TBC1D30: variants seen among roughly 807,000 people sequenced by gnomAD.
TBC1D30 encodes the protein TBC1 domain family, member 30.
Under a neutral mutation model 63.2 loss-of-function variants are expected in TBC1D30, and 31 were observed. The observed-to-expected ratio is 0.49, with a 90% CI of 0.37 to 0.66. TBC1D30 has a LOEUF of 0.66. TBC1D30 is among the 30% of genes least tolerant of loss of function. The pLI, the probability that TBC1D30 is intolerant of heterozygous loss-of-function variation, is 0.00. For synonymous variants in TBC1D30, 307 were observed against 361.5 expected (o/e 0.85, Z 1.71); for missense variants, 810 against 953.6 (o/e 0.85, Z 1.98).
chr12:64,773,276 CT>C (rs1158911995), intron 1 of TBC1D30, among the ~76,000 whole-genome samples: 2 of 151,856 alleles, frequency 1.3e-5, no homozygotes. Context: ...GGCAGGACCT[CT>C]CAACTGGGGC....
chr12:64,760,190 A>G (rs1379875190), intron 1 of TBC1D30, among the ~76,000 whole-genome samples: 1 of 152,182 alleles, frequency 6.6e-6, no homozygotes, highest in Admixed American at 6.5e-5. Context: ...TGCATTATTA[A>G]GTAATCTTTA....
At position 64,835,085 on chromosome 12, in the gene TBC1D30, C is replaced by T. The variant is rs370330096; in HGVS notation, c.595-1405C>T. Among the ~76,000 whole-genome samples the T allele has an allele frequency of 2.1e-4, 32 of 152,240 alleles. No individual in the cohort carries two copies. The East Asian group carries it at 3.3e-3, about 16-fold the overall frequency. ...GTACTCTACCATGCTGAAACTTGCTCTCCTCATCAGCTGCTGCCTCCCAGA... is the reference window on the plus strand; with the variant it reads ...GTACTCTACCATGCTGAAACTTGCTTTCCTCATCAGCTGCTGCCTCCCAGA... On this transcript the variant is annotated intron_variant, in intron 5 of 11. Transcript: ENST00000539867.
intron 1 of TBC1D30, among the ~76,000 whole-genome samples, chr12:64,771,800 G>C (rs1321847500): frequency 6.6e-6 from 1 of 152,214 alleles, no homozygotes; most frequent in Non-Finnish European, 1.5e-5. Context: ...TGACCATTCA[G>C]TTTGTGTGGA....
upstream of TBC1D30, chr12:64,824,498 C>T (rs1279399997): frequency 1.0e-5 from 2 of 198,152 alleles, no homozygotes; most frequent in Non-Finnish European, 2.0e-5. Context: ...GGCTCCCTGT[C>T]TCTGGCGCTT....
chr12:64,810,987 C>T (rs145455417), intron 2 of TBC1D30, among the ~76,000 whole-genome samples: 7 of 152,330 alleles, frequency 4.6e-5, no homozygotes, highest in Non-Finnish European at 8.8e-5. Context: ...CTGTGCCATT[C>T]TGACTCACCT....
intron 8 of TBC1D30, among the ~76,000 whole-genome samples, chr12:64,851,593 T>C (rs2136426284): frequency 6.6e-6 from 1 of 152,342 alleles, no homozygotes; most frequent in East Asian, 1.9e-4. Flanking sequence ...TTTTGCTCAT[T>C]AGGTGATGCA....
chr12:64,850,216 A>G (rs1432320089), intron 8 of TBC1D30, among the ~76,000 whole-genome samples: 1 of 152,206 alleles, frequency 6.6e-6, no homozygotes, highest in Non-Finnish European at 1.5e-5. Flanking sequence ...TGTCATCTGC[A>G]AACAGAAACA....
chr12:64,817,249 GCAA>G (rs1873598877), intron 2 of TBC1D30, among the ~76,000 whole-genome samples: 2 of 152,180 alleles, frequency 1.3e-5, no homozygotes, highest in Admixed American at 1.3e-4. Context: ...CTCTAGTGCA[GCAA>G]CAACAAGCAC....
chr12:64,808,055 C>T (rs1355196585), intron 2 of TBC1D30, among the ~76,000 whole-genome samples: 1 of 151,600 alleles, frequency 6.6e-6, no homozygotes, highest in Non-Finnish European at 1.5e-5. Context: ...TATGCCCAGC[C>T]AGAAAAATAA....
intron 2 of TBC1D30, among the ~76,000 whole-genome samples, chr12:64,804,499 G>T (rs1319940028): frequency 6.6e-6 from 1 of 152,054 alleles, no homozygotes; most frequent in Non-Finnish European, 1.5e-5. Flanking sequence ...CTGCCTGATT[G>T]CCCTGGCCAG....
intron 11 of TBC1D30, among the ~76,000 whole-genome samples, chr12:64,874,606 A>G (rs1038470437): frequency 4.4e-4 from 67 of 152,122 alleles, no homozygotes; most frequent in African/African-American, 1.6e-3. Context: ...ATGATAATCC[A>G]TATGGTCATA....
At chr12:64,788,876 G>A (rs1445443588) in intron 2 of TBC1D30, among the ~76,000 whole-genome samples, 1 of 152,094 alleles carries the variant, frequency 6.6e-6, no homozygotes, top group African/African-American at 2.4e-5. Flanking sequence ...TTTTGATATA[G>A]ACACTGTCAA....
At position 64,769,210 on chromosome 12, in the gene TBC1D30, A is replaced by AT. The variant is rs557741046; in HGVS notation, c.-376+9574dup. On this transcript the variant is annotated intron_variant, in intron 1 of 13. Coordinates refer to the TBC1D30 transcript ENST00000674237. ...CATGTAGAACTGATGATTCCTGTAG[A>AT]TTTTTTTTTTTTTGAGTCAGAGTCT... Among the ~76,000 whole-genome samples, 707 of 144,806 alleles carry AT rather than the reference A, an allele frequency of 4.9e-3. 1 individual carries two copies. The highest frequency in any genetic ancestry group is 8.2e-3 in the Admixed American group (118 of 14,470). 95.0% of individuals were successfully genotyped at this position (144,806 alleles called of 152,430 possible). A position where few individuals can be genotyped will look rare whatever the true frequency, so the allele number is the denominator to read the frequency against.
At chr12:64,780,189 A>G (rs1016316787), upstream of TBC1D30, among the ~76,000 whole-genome samples, 1 of 152,222 alleles carries the variant, frequency 6.6e-6, no homozygotes, top group African/African-American at 2.4e-5. Context: ...TAAGTCCCAG[A>G]TATTTGCCAG....
intron 3 of TBC1D30, 96 bp from the exon 4 acceptor site, chr12:64,830,281 T>G: frequency 8.0e-7 from 1 of 1,248,206 alleles, no homozygotes; most frequent in Non-Finnish European, 1.1e-6. Flanking sequence ...CTAGGGACAC[T>G]TCCCATTTTC....
chr12:64,849,300 T>C (rs914965117), intron 8 of TBC1D30, among the ~76,000 whole-genome samples: 4 of 152,222 alleles, frequency 2.6e-5, no homozygotes, highest in African/African-American at 9.6e-5. Flanking sequence ...TTTGTCTATT[T>C]TGGCTTTTGT....
Position 64,875,394 on chromosome 12 carries a change from G to A in TBC1D30, c.1892G>A (p.Arg631Lys), listed in dbSNP as rs907873009. ...EGSSPEGSTR[R>K]TIEGQSPEPV... ...AGCAGCCCTGAAGGCAGTACCAGGAGGACGATCGAGGGGCAGTCTCCGGAG... is the reference window on the plus strand; with the variant it reads ...AGCAGCCCTGAAGGCAGTACCAGGAAGACGATCGAGGGGCAGTCTCCGGAG... Residue 631 changes from arginine to lysine, a missense_variant, in exon 12 of 12, where the codon AGG (arginine) becomes AAG (lysine). By Grantham distance (26) the Arg-to-Lys change is conservative. Around this residue, in one of 4 missense-constraint regions of TBC1D30, gnomAD observed 450 missense variants for 473.0 expected, o/e 0.95. Transcript: ENST00000539867. 6.5e-7 allele frequency: 1 copy of A among 1,536,236 alleles called. No individual in the cohort carries two copies. The highest frequency in any genetic ancestry group is 1.4e-5 in the African/African-American group (1 of 73,158).
chr12:64,866,611 T>C (rs1878238104), intron 9 of TBC1D30, among the ~76,000 whole-genome samples, 153 bp from the exon 10 acceptor site: 1 of 152,156 alleles, frequency 6.6e-6, no homozygotes, highest in Non-Finnish European at 1.5e-5. Flanking sequence ...CTAATTTTTA[T>C]ATATTTTTAG....
chr12:64,840,751 T>C (rs1335141006), intron 7 of TBC1D30, among the ~76,000 whole-genome samples: 1 of 152,244 alleles, frequency 6.6e-6, no homozygotes. Context: ...GTGCTTTTAA[T>C]AATGTGAATC....
Sources: gnomAD v4.1 joint callset for allele counts (sites outside exome capture counted in the v4.1 genomes callset) on GRCh38, gnomAD v4.1.1 for gene constraint, gnomAD v4.1.1 regional missense constraint, MANE v1.5 for transcripts, NCBI Gene and HGNC (gene_info 2026-07-23, HGNC 2026-07-21) for gene names.